ADAM19: variants seen among roughly 807,000 people sequenced by gnomAD.
ADAM19 encodes ADAM metallopeptidase domain 19.
Under a neutral mutation model 114.7 loss-of-function variants are expected in ADAM19, and 65 were observed. The observed-to-expected ratio is 0.57, with a 90% CI of 0.46 to 0.70. The LOEUF (loss-of-function observed/expected upper bound fraction) is 0.70. ADAM19 is among the 30% of genes least tolerant of loss of function. The probability of loss-of-function intolerance (pLI) is 0.00; values close to 1 mark genes in which losing one functional copy is unlikely to be tolerated. For synonymous variants in ADAM19, 466 were observed against 460.5 expected (o/e 1.01, Z -0.15); for missense variants, 1,063 against 1,204.7 (o/e 0.88, Z 1.74).
Position 157,488,309 on chromosome 5 carries a change from G to T in ADAM19, c.2506C>A (p.Pro836Thr), listed in dbSNP as rs995228035. ...GGTGCGGGGGGAATTGGCCGGCTTGGAGGAGGCCTCCTGGACGACTCCGTC... is the reference window on the plus strand; with the variant it reads ...GGTGCGGGGGGAATTGGCCGGCTTGTAGGAGGCCTCCTGGACGACTCCGTC... ...ERTESSRRPP[P>T]SRPIPPAPNC... is the part of the protein sequence containing the mutation. Residue 836 changes from proline (P) to threonine (T), a missense_variant, in exon 21 of 23, where the codon CCA becomes ACA. Pro to Thr is a conservative substitution (Grantham distance 38). Transcript: ENST00000257527. 1.2e-6 allele frequency: 2 copies of T among 1,614,038 alleles called. No individual in the cohort carries two copies. The highest frequency in any genetic ancestry group is 1.7e-6 in the Non-Finnish European group (2 of 1,179,996).
intron 2 of ADAM19, among the ~76,000 whole-genome samples, chr5:157,565,456 C>T (rs11465263): frequency 9.9e-5 from 15 of 151,866 alleles, no homozygotes; most frequent in Non-Finnish European, 1.9e-4. Flanking sequence ...CAGTGGCTCA[C>T]GCCTGTAATC....
intron 4 of ADAM19, among the ~76,000 whole-genome samples, chr5:157,533,651 CA>C (rs1756685256): frequency 6.6e-6 from 1 of 152,034 alleles, no homozygotes; most frequent in Admixed American, 6.6e-5. Context: ...GTATCAGCTA[CA>C]GTTTCAAAAC....
intron 1 of ADAM19, 44 bp downstream of exon 1, chr5:157,575,559 C>A: frequency 7.1e-7 from 1 of 1,405,576 alleles, no homozygotes; most frequent in South Asian, 1.4e-5. Flanking sequence ...ACTCCCAGGT[C>A]TCCGGGCCAC....
Position 157,490,335 on chromosome 5 carries a change from G to C in ADAM19, c.2215C>G (p.Pro739Ala). Residue 739 changes from proline (P) to alanine (A), a missense_variant, in exon 19 of 23, where the codon CCT (proline) becomes GCT (alanine). By Grantham distance (27) the Pro-to-Ala change is conservative (BLOSUM62 -1). This residue lies in a region of ADAM19 where 424 missense variants were observed against 445.5 expected (regional missense o/e 0.95). Transcript: ENST00000257527. ...CTGAACTGTTGCCTCAGCTTGGAAG[G>C]GAGAGCTGAGGGCTTGAGTTGGCCT... is the stretch of plus-strand genomic sequence containing the variant. Reference protein sequence around the residue: ...KLGQLKPSALPSKLRQQFSCP... With the variant: ...KLGQLKPSALASKLRQQFSCP... The C allele has an allele frequency of 6.2e-7, 1 of 1,614,060 alleles. No individual in the cohort carries two copies. Among genetic ancestry groups the C allele is most frequent in the Non-Finnish European group, 8.5e-7 (1 of 1,180,014 alleles).
intron 11 of ADAM19, among the ~76,000 whole-genome samples, chr5:157,505,154 C>T (rs1227756489): frequency 6.6e-6 from 1 of 150,982 alleles, no homozygotes; most frequent in Non-Finnish European, 1.5e-5. Flanking sequence ...CTCATGACCA[C>T]AGGGAGATGC....
chr5:157,557,122 G>A (rs534950266), intron 3 of ADAM19, among the ~76,000 whole-genome samples: 1 of 152,202 alleles, frequency 6.6e-6, no homozygotes, highest in South Asian at 2.1e-4. Context: ...TGCCCAGGCT[G>A]GTCTCGAACT....
At chr5:157,490,238 G>A in intron 19 of ADAM19, 72 bp downstream of exon 19, 2 of 1,559,748 alleles carry the variant, frequency 1.3e-6, no homozygotes, top group Non-Finnish European at 8.8e-7. Context: ...CAACACTTTT[G>A]CTAAGTACCA....
intron 4 of ADAM19, among the ~76,000 whole-genome samples, chr5:157,532,427 G>A (rs763193157): frequency 3.9e-5 from 6 of 152,212 alleles, no homozygotes; most frequent in Non-Finnish European, 5.9e-5. Context: ...AAGCAAATAC[G>A]CACTGTTGGG....
Position 157,479,230 on chromosome 5 carries a change from C to A in ADAM19, c.*1719G>T. On this transcript the variant is annotated 3_prime_UTR_variant, in exon 23 of 23. Transcript: ENST00000257527. Reference sequence around the variant, plus strand: ...CTTTCTAAACCCAACCCAGGCTTTTCCCCCAGGGGTACATCCCGTATTTTC... The same window carrying A: ...CTTTCTAAACCCAACCCAGGCTTTTACCCCAGGGGTACATCCCGTATTTTC... The A allele has an allele frequency of 1.0e-6, 1 of 985,892 alleles. No homozygotes were observed. Among genetic ancestry groups the A allele is most frequent in the Non-Finnish European group, 1.2e-6 (1 of 829,972 alleles). 61.1% of individuals were successfully genotyped at this position (985,892 alleles called of 1,614,324 possible). A position where few individuals can be genotyped will look rare whatever the true frequency, so the allele number is the denominator to read the frequency against.
At position 157,509,315 on chromosome 5, in the gene ADAM19, G is replaced by A. The variant is rs201602007; in HGVS notation, c.891C>T (p.Asn297=). 4.4e-5 allele frequency: 71 copies of A among 1,608,556 alleles called. No individual in the cohort carries two copies. Among genetic ancestry groups the A allele is most frequent in the Middle Eastern group, 1.7e-4 (1 of 6,034 alleles). Residue 297 remains asparagine (N), a synonymous_variant, in exon 9 of 23, where the codon AAC becomes AAT. Coordinates refer to ENST00000257527, the MANE Select transcript of ADAM19 (RefSeq NM_033274.5). The part of the protein sequence containing the change: ...RKLLAQKYHD[N]AQLITGMSFH... ...AGGCTATTTACGTGATTAATTGGGCGTTGTCATGGTACTTCTGGGCAAGCA... is the reference window on the plus strand; with the variant it reads ...AGGCTATTTACGTGATTAATTGGGCATTGTCATGGTACTTCTGGGCAAGCA...
chr5:157,499,691 G>T (rs1238232352), intron 12 of ADAM19, 29 bp from the exon 13 acceptor site: 8 of 1,508,508 alleles, frequency 5.3e-6, no homozygotes, highest in African/African-American at 2.8e-5. Context: ...GGGTGTGAGT[G>T]GGGGAGGGCC....
chr5:157,548,574 GCCC>G (rs1757107710), intron 3 of ADAM19, among the ~76,000 whole-genome samples: 1 of 152,170 alleles, frequency 6.6e-6, no homozygotes, highest in Non-Finnish European at 1.5e-5. Flanking sequence ...CTAGCAACTT[GCCC>G]CATAGTACCC....
intron 5 of ADAM19, among the ~76,000 whole-genome samples, chr5:157,530,195 T>C (rs1756585417): frequency 1.3e-5 from 2 of 150,904 alleles, no homozygotes; most frequent in African/African-American, 4.9e-5. Context: ...AGCCAACCAA[T>C]CCAGAGTCCA....
At chr5:157,492,832 A>G in intron 16 of ADAM19, 141 bp downstream of exon 16, 2 of 829,078 alleles carry the variant, frequency 2.4e-6, no homozygotes, top group Admixed American at 2.2e-5. Context: ...TGCTGTCACT[A>G]TACACGCTTC....
chr5:157,518,065 T>C (rs1405151027), intron 7 of ADAM19, among the ~76,000 whole-genome samples: 1 of 152,114 alleles, frequency 6.6e-6, no homozygotes, highest in African/African-American at 2.4e-5. Flanking sequence ...GGCATCAACA[T>C]GATTATAAAA....
chr5:157,530,172 C>A (rs995978107), intron 5 of ADAM19, among the ~76,000 whole-genome samples: 2 of 152,196 alleles, frequency 1.3e-5, no homozygotes, highest in Non-Finnish European at 2.9e-5. Context: ...AGCTACCTTG[C>A]CTTTCAAATG....
chr5:157,496,593 A>G (rs769748109), intron 14 of ADAM19, among the ~76,000 whole-genome samples: 14 of 152,326 alleles, frequency 9.2e-5, no homozygotes, highest in Non-Finnish European at 1.9e-4. Context: ...GACTGAGATT[A>G]AACGTCTTTT....
intron 5 of ADAM19, among the ~76,000 whole-genome samples, chr5:157,523,351 C>T (rs939580786): frequency 6.6e-6 from 1 of 152,166 alleles, no homozygotes; most frequent in Non-Finnish European, 1.5e-5. Context: ...TTTGTCCCCA[C>T]CAAGTCTCAC....
chr5:157,481,494 TACAAATGAGGAAACAG>T, intron 22 of ADAM19: 1 of 1,021,616 alleles, frequency 9.8e-7, no homozygotes, highest in East Asian at 2.6e-5. Flanking sequence ...ATAGCCTCTG[TACAAATGAGGAAACAG>T]ACTCAAGAGG....
Sources: gnomAD v4.1 joint callset for allele counts (sites outside exome capture counted in the v4.1 genomes callset) on GRCh38, gnomAD v4.1.1 for gene constraint, gnomAD v4.1.1 regional missense constraint, MANE v1.5 for transcripts, NCBI Gene and HGNC (gene_info 2026-07-23, HGNC 2026-07-21) for gene names.